CRAMP1: variants seen among roughly 807,000 people sequenced by gnomAD.
The protein encoded by CRAMP1 is cramped chromatin regulator 1.
A neutral mutation model predicts 115.4 loss-of-function variants in CRAMP1; 50 were observed. That is an observed-to-expected ratio of 0.43 (90% CI 0.35 to 0.55). The LOEUF (loss-of-function observed/expected upper bound fraction) is 0.55. CRAMP1 is among the 20% of genes least tolerant of loss of function. CRAMP1 has a pLI of 0.01. For synonymous variants in CRAMP1, 866 were observed against 745.4 expected, an observed-to-expected ratio of 1.16 and a Z score of -2.64; for missense variants, 1,679 against 1,721.7, an observed-to-expected ratio of 0.98 and a Z score of 0.44.
chr16:1,666,654 G>T lies in CRAMP1; in HGVS notation c.3036+54G>T, dbSNP rs904409040. 1 of 1,524,054 alleles carries T rather than the reference G, an allele frequency of 6.6e-7. No individual in the cohort carries two copies. Among genetic ancestry groups the T allele is most frequent in the Non-Finnish European group, 9.1e-7 (1 of 1,102,768 alleles). 94.4% of individuals were successfully genotyped at this position (1,524,054 alleles called of 1,614,324 possible). A position where few individuals can be genotyped will look rare whatever the true frequency, so the allele number is the denominator to read the frequency against. On this transcript the variant is annotated intron_variant, in intron 16 of 20. Coordinates refer to ENST00000397412, the MANE Select transcript of CRAMP1 (RefSeq NM_020825.4). This position sits in a 1 kb window ranked among gnomAD's most constrained non-coding sequence, Gnocchi z 5.0. ...ATTACCACCAACTTCTGGTGTGGAC[G>T]CCAAAGCCATGGGGCTGAGATCACG...
At chr16:1,660,125 G>C in intron 11 of CRAMP1, 62 bp downstream of exon 11, 1 of 1,394,078 alleles carries the variant, frequency 7.2e-7, no homozygotes, top group Non-Finnish European at 9.4e-7. Flanking sequence ...TCAGGCTTCA[G>C]GGGCCGTGCC....
intron 4 of CRAMP1, among the ~76,000 whole-genome samples, chr16:1,634,670 G>T (rs934899462): frequency 6.6e-6 from 1 of 151,966 alleles, no homozygotes; most frequent in East Asian, 1.9e-4. Flanking sequence ...GTTCTCCCGT[G>T]TTCTCCCGGG....
chr16:1,635,279 G>A (rs2036579112), intron 4 of CRAMP1, among the ~76,000 whole-genome samples: 1 of 152,218 alleles, frequency 6.6e-6, no homozygotes, highest in South Asian at 2.1e-4. Context: ...GAGACACAGA[G>A]TGGTGGCAAG....
chr16:1,613,356 G>C (rs962060296), intron 1 of CRAMP1, among the ~76,000 whole-genome samples: 2 of 152,150 alleles, frequency 1.3e-5, no homozygotes, highest in African/African-American at 2.4e-5. Flanking sequence ...TTGCGACTTT[G>C]AAGCCATTTC....
intron 3 of CRAMP1, among the ~76,000 whole-genome samples, chr16:1,627,659 G>A (rs1401960815): frequency 4.6e-5 from 7 of 152,204 alleles, no homozygotes; most frequent in African/African-American, 1.2e-4. Flanking sequence ...TGGCAGTGTG[G>A]CTTGATTCTG....
chr16:1,626,515 T>C (rs948943494), intron 3 of CRAMP1, among the ~76,000 whole-genome samples: 4 of 152,066 alleles, frequency 2.6e-5, no homozygotes, highest in African/African-American at 4.8e-5. Flanking sequence ...TGGGCTGATT[T>C]AGGCGGGATG....
chr16:1,651,395 G>A (rs998763690), intron 6 of CRAMP1, among the ~76,000 whole-genome samples: 3 of 149,946 alleles, frequency 2.0e-5, no homozygotes, highest in African/African-American at 4.9e-5. Context: ...GAGAGGTCAC[G>A]GAGAGGTGGA....
chr16:1,614,032 C>T lies in CRAMP1; in HGVS notation c.-1-607C>T, dbSNP rs1438556988. On this transcript the variant is annotated intron_variant, in intron 1 of 20. Transcript: ENST00000397412. This position sits in a 1 kb window ranked among gnomAD's most constrained non-coding sequence, Gnocchi z 4.4. ...TCTCCCGTCCCGGGGTGGATCCGGC[C>T]TCCTCTGTCCTCCTCCAGGGCCAGC... Among the ~76,000 whole-genome samples the T allele has an allele frequency of 6.6e-6, 1 of 151,294 alleles. No individual in the cohort carries two copies. Among genetic ancestry groups the T allele is most frequent in the Non-Finnish European group, 1.5e-5 (1 of 67,790 alleles).
chr16:1,626,318 C>T (rs2036508021), intron 3 of CRAMP1, among the ~76,000 whole-genome samples, 152 bp downstream of exon 3: 1 of 152,224 alleles, frequency 6.6e-6, no homozygotes, highest in Non-Finnish European at 1.5e-5. Flanking sequence ...GGGCTCTAGC[C>T]TTGCCCACTG....
intron 2 of CRAMP1, 82 bp downstream of exon 2, chr16:1,615,067 G>T: frequency 1.1e-6 from 1 of 869,734 alleles, no homozygotes; most frequent in Non-Finnish European, 1.5e-6. Flanking sequence ...GCCCCAGCCG[G>T]GCTCCACCCT....
chr16:1,667,743 C>T (rs1436734999), intron 17 of CRAMP1, among the ~76,000 whole-genome samples: 1 of 152,144 alleles, frequency 6.6e-6, no homozygotes, highest in Non-Finnish European at 1.5e-5. Flanking sequence ...CAAAGCAGGT[C>T]CAGGCCACTG....
intron 16 of CRAMP1, among the ~76,000 whole-genome samples, chr16:1,667,037 T>G (rs2036882251): frequency 6.6e-6 from 1 of 151,978 alleles, no homozygotes; most frequent in Admixed American, 6.6e-5. Flanking sequence ...CCAAGGAGGG[T>G]GGGGTGGGCT....
chr16:1,652,891 G>A (rs777280476), intron 7 of CRAMP1, 142 bp from the exon 8 acceptor site: 28 of 1,012,880 alleles, frequency 2.8e-5, no homozygotes, highest in Non-Finnish European at 3.9e-5. Context: ...TTTCTTCTTC[G>A]CTGGGGTTTC....
rs371022623 is a variant in CRAMP1 at position 1,652,520 on chromosome 16, G to A, written c.852G>A (p.Gly284=). ...QVGATTVRYK[G]RNLRIKAPMC... ...GGGCCACCACTGTACGTTACAAAGGGCGGAACCTGCGGATCAAAGCGCCCA... is the reference window on the plus strand; with the variant it reads ...GGGCCACCACTGTACGTTACAAAGGACGGAACCTGCGGATCAAAGCGCCCA... Residue 284 remains glycine, a synonymous_variant, in exon 7 of 21, where the codon GGG becomes GGA. Transcript: ENST00000397412. 12 of 1,552,198 alleles carry A rather than the reference G, an allele frequency of 7.7e-6. No individual in the cohort carries two copies. The highest frequency in any genetic ancestry group is 2.4e-5 in the East Asian group (1 of 40,974).
Position 1,677,634 on chromosome 16 carries a change from T to TA in CRAMP1, c.*3591dup, listed in dbSNP as rs2036981886. ...GCTCCCCTTCTCTCTCTTACTCGGTTAAGCCATAGCGAGGCCTCCGCTCGT... is the reference window on the plus strand; with the variant it reads ...GCTCCCCTTCTCTCTCTTACTCGGTTAAAGCCATAGCGAGGCCTCCGCTCGT... On this transcript the variant is annotated 3_prime_UTR_variant, in exon 21 of 21. Coordinates refer to ENST00000397412, the MANE Select transcript of CRAMP1 (RefSeq NM_020825.4). 6.5e-6 allele frequency: 1 copy of TA among 152,698 alleles called. No homozygotes were observed. The highest frequency in any genetic ancestry group is 1.5e-5 in the Non-Finnish European group (1 of 68,062). The allele number at this position is 152,698 out of a possible 1,614,324, so 9.5% of individuals were successfully genotyped here.
At chr16:1,613,614 G>T (rs529072096) in intron 1 of CRAMP1, among the ~76,000 whole-genome samples, 1 of 152,126 alleles carries the variant, frequency 6.6e-6, no homozygotes, top group Non-Finnish European at 1.5e-5. Context: ...TTTTTGAGTG[G>T]CTCTGCTTTC....
chr16:1,674,296 C>A lies in CRAMP1; in HGVS notation c.*251C>A. On this transcript the variant is annotated 3_prime_UTR_variant, in exon 21 of 21. Coordinates refer to ENST00000397412, the MANE Select transcript of CRAMP1 (RefSeq NM_020825.4). ...AGAGCCGTTCTTCACCACGCCTGGG[C>A]CCATGTTAGGGTCTGCATAATGATC... 1.9e-6 allele frequency: 1 copy of A among 534,372 alleles called. No individual in the cohort carries two copies. Among genetic ancestry groups the A allele is most frequent in the Non-Finnish European group, 3.4e-6 (1 of 297,516 alleles). 33.1% of individuals were successfully genotyped at this position (534,372 alleles called of 1,614,324 possible). A position where few individuals can be genotyped will look rare whatever the true frequency, so the allele number is the denominator to read the frequency against.
At position 1,659,914 on chromosome 16, in the gene CRAMP1, C is replaced by T; in HGVS notation, c.2264C>T (p.Ala755Val). 1 of 1,613,218 alleles carries T rather than the reference C, an allele frequency of 6.2e-7. No individual in the cohort carries two copies. Among genetic ancestry groups the T allele is most frequent in the Non-Finnish European group, 8.5e-7 (1 of 1,179,832 alleles). The change falls in exon 11 of 21, where the codon GCC (alanine) becomes GTC (valine). Residue 755 changes from alanine to valine, a missense_variant. Coordinates refer to ENST00000397412, the MANE Select transcript of CRAMP1 (RefSeq NM_020825.4). ...CTGGAAGCAAACACCATCTCTACAG[C>T]CTCAGTAAGGCCCGCCCAGGAGGAG... ...LALEANTIST[A>V]SVRPAQEEQS...
In CRAMP1 at chr16:1,669,725, C is replaced by A. The variant is rs374520191; in HGVS notation, c.3499+560C>A. On this transcript the variant is annotated intron_variant, in intron 19 of 20. Transcript: ENST00000397412. This position sits in a 1 kb window ranked among gnomAD's most constrained non-coding sequence, Gnocchi z 4.6. ...AGGGGGTGTATCAGGGAAAGGCACA[C>A]CCTGCTGCTGTTGCCTGCCCAGAGA... Among the ~76,000 whole-genome samples the A allele has an allele frequency of 2.0e-5, 3 of 152,190 alleles. No individual in the cohort carries two copies. Among genetic ancestry groups the A allele is most frequent in the East Asian group, 3.8e-4 (2 of 5,202 alleles).
Sources: allele counts gnomAD v4.1 joint callset (sites outside exome capture counted in the v4.1 genomes callset), GRCh38; gene constraint gnomAD v4.1.1; non-coding constraint Gnocchi (gnomAD v3.1); transcripts MANE v1.5; gene names NCBI Gene and HGNC (gene_info 2026-07-23, HGNC 2026-07-21).